Variants in RBFOX1 observed in about 807,000 individuals in gnomAD.
RBFOX1 encodes RNA binding fox-1 homolog 1.
Under a neutral mutation model 57.7 loss-of-function variants are expected in RBFOX1, and 8 were observed. The observed-to-expected ratio is 0.14, with a 90% CI of 0.08 to 0.25. The LOEUF (loss-of-function observed/expected upper bound fraction) is 0.25, where lower values mean the gene tolerates loss of function less well. Ranked by LOEUF, RBFOX1 falls within the 10% of genes least tolerant of loss-of-function variation. RBFOX1 has a pLI of 1.00. For missense variants in RBFOX1, 611 were observed against 548.5 expected (o/e 1.11, Z -1.14); for synonymous variants, 326 against 222.4 (o/e 1.47, Z -4.15).
intron 10 of RBFOX1, chr16:7,614,167 G>T (rs1318568262): frequency 6.6e-6 from 1 of 152,234 alleles, no homozygotes; most frequent in African/African-American, 2.4e-5. Context: ...GTTTTGCATA[G>T]TTTACGCATC....
chr16:7,581,711 A>C (rs1053458607), intron 6 of RBFOX1, among the ~76,000 whole-genome samples: 4 of 152,046 alleles, frequency 2.6e-5, no homozygotes, highest in African/African-American at 9.7e-5. Context: ...CAAATCTACT[A>C]GTTTCAGGGC....
intron 4 of RBFOX1, among the ~76,000 whole-genome samples, chr16:7,471,550 G>A (rs1332634416): frequency 1.3e-5 from 2 of 151,888 alleles, no homozygotes; most frequent in Non-Finnish European, 2.9e-5. Context: ...ACATCAGTAG[G>A]ACATTTCAAA....
intron 1 of RBFOX1, among the ~76,000 whole-genome samples, chr16:6,298,628 C>G (rs1487323053): frequency 6.6e-6 from 1 of 152,092 alleles, no homozygotes; most frequent in African/African-American, 2.4e-5. Context: ...ATGTGATTGA[C>G]CAAAACCTTC....
At chr16:6,098,575 C>A (rs1239510129) in intron 1 of RBFOX1, among the ~76,000 whole-genome samples, 3 of 152,218 alleles carry the variant, frequency 2.0e-5, no homozygotes, top group Admixed American at 2.0e-4. Flanking sequence ...CCTGCAGAAA[C>A]CCTGCTTCAG....
chr16:6,695,005 A>G (rs1328713822), intron 3 of RBFOX1, among the ~76,000 whole-genome samples: 1 of 152,160 alleles, frequency 6.6e-6, no homozygotes, highest in African/African-American at 2.4e-5. Flanking sequence ...ACACATAGAC[A>G]TTCTAAAAGC....
At chr16:5,557,879 G>A (rs1206124119) in intron 2 of RBFOX1, among the ~76,000 whole-genome samples, 2 of 152,196 alleles carry the variant, frequency 1.3e-5, no homozygotes, top group Admixed American at 1.3e-4. Flanking sequence ...GACCTTAGTG[G>A]CCACACCGAC....
At chr16:7,690,294 C>T (rs988158997) in intron 14 of RBFOX1, among the ~76,000 whole-genome samples, 1 of 152,076 alleles carries the variant, frequency 6.6e-6, no homozygotes, top group African/African-American at 2.4e-5. Flanking sequence ...AAGTGATTTT[C>T]AAACGAAGAA....
At chr16:6,596,689 A>G (rs192804758) in intron 2 of RBFOX1, among the ~76,000 whole-genome samples, 1 of 152,336 alleles carries the variant, frequency 6.6e-6, no homozygotes, top group Non-Finnish European at 1.5e-5. Context: ...CATTATAAAT[A>G]CAGTTGATTC....
intron 3 of RBFOX1, among the ~76,000 whole-genome samples, chr16:7,011,406 G>A (rs2093646405): frequency 6.6e-6 from 1 of 152,198 alleles, no homozygotes; most frequent in Admixed American, 6.5e-5. Context: ...CAGGCGGGCT[G>A]TTTGTTGCTA....
At chr16:6,451,747 C>T (rs2094629345) in intron 2 of RBFOX1, among the ~76,000 whole-genome samples, 1 of 152,198 alleles carries the variant, frequency 6.6e-6, no homozygotes, top group African/African-American at 2.4e-5. Flanking sequence ...AGAGCACATA[C>T]AGTATTATGA....
intron 3 of RBFOX1, among the ~76,000 whole-genome samples, chr16:6,842,121 T>G (rs925875107): frequency 1.3e-5 from 2 of 151,054 alleles, no homozygotes; most frequent in Non-Finnish European, 2.9e-5. Context: ...CCAGCCTGGG[T>G]GACAGAGCAA....
At chr16:6,818,872 T>A (rs9929060) in intron 3 of RBFOX1, among the ~76,000 whole-genome samples, 75,716 of 152,028 alleles carry the variant, frequency 0.5, 19,280 homozygotes, top group East Asian at 0.75. Context: ...ATCTCAGGAA[T>A]TTACATGGAA....
intron 3 of RBFOX1, among the ~76,000 whole-genome samples, chr16:6,668,943 G>A (rs560736762): frequency 6.6e-6 from 1 of 152,258 alleles, no homozygotes; most frequent in South Asian, 2.1e-4. Flanking sequence ...TAAAAAGATG[G>A]CAGTGGCTTT....
intron 4 of RBFOX1, among the ~76,000 whole-genome samples, chr16:5,872,701 A>T (rs1362211862): frequency 6.6e-6 from 1 of 152,062 alleles, no homozygotes. Flanking sequence ...GCACCACTGC[A>T]CTCTAGCCTG....
At chr16:6,215,976 G>A (rs1229034573) in intron 1 of RBFOX1, among the ~76,000 whole-genome samples, 1 of 152,178 alleles carries the variant, frequency 6.6e-6, no homozygotes, top group African/African-American at 2.4e-5. Context: ...CATGTCCTTT[G>A]CAGGGACATG....
intron 3 of RBFOX1, among the ~76,000 whole-genome samples, chr16:6,909,589 C>T (rs1350106992): frequency 6.6e-6 from 1 of 152,170 alleles, no homozygotes; most frequent in Non-Finnish European, 1.5e-5. Flanking sequence ...TACCTAGAAG[C>T]GAGGGACATG....
rs554834412 is a variant in RBFOX1, at chr16:6,278,544, A to T, written c.-126-38451A>T. Among the ~76,000 whole-genome samples, 42 of 152,238 alleles carry T rather than the reference A, an allele frequency of 2.8e-4. 1 individual carries two copies. Among genetic ancestry groups the T allele is most frequent in the Middle Eastern group, 3.4e-3 (1 of 294 alleles). On this transcript the variant is annotated intron_variant, in intron 1 of 15. Coordinates refer to ENST00000550418, the MANE Select transcript of RBFOX1 (RefSeq NM_018723.4). ...AAGTGGGCACCCAAAGAAGAAAAAA[A>T]TAACAATTTTCCCCTTATCTCTGAA...
At chr16:6,799,702 C>G (rs1465156444) in intron 3 of RBFOX1, among the ~76,000 whole-genome samples, 1 of 152,130 alleles carries the variant, frequency 6.6e-6, no homozygotes, top group Non-Finnish European at 1.5e-5. Flanking sequence ...GAGTCTTCCA[C>G]CTTTCGTCTT....
chr16:7,678,365 T>G (rs1477578961), intron 14 of RBFOX1, among the ~76,000 whole-genome samples: 1 of 152,290 alleles, frequency 6.6e-6, no homozygotes, highest in African/African-American at 2.4e-5. Flanking sequence ...CTTGAAATAC[T>G]CAAGATCATT....
Sources: gnomAD v4.1 joint callset for allele counts (sites outside exome capture counted in the v4.1 genomes callset) on GRCh38, gnomAD v4.1.1 for gene constraint, MANE v1.5 for transcripts, NCBI Gene and HGNC (gene_info 2026-07-23, HGNC 2026-07-21) for gene names.